The following NACC2 variants were observed in gnomAD, a reference collection of about 807,000 sequenced individuals.
NACC2 encodes the protein nucleus accumbens-associated protein 2.
In NACC2, 8 loss-of-function variants were observed where a neutral mutation model predicts 25.1. The ratio of observed to expected loss-of-function variants is 0.32; its 90% CI spans 0.19 to 0.57. The LOEUF (loss-of-function observed/expected upper bound fraction) is 0.57. Ranked by LOEUF, NACC2 falls within the 20% of genes least tolerant of loss-of-function variation. The pLI, the probability that NACC2 is intolerant of heterozygous loss-of-function variation, is 0.89. For missense variants in NACC2, 644 were observed against 650.2 expected (o/e 0.99, Z 0.10); for synonymous variants, 435 against 294.7 (o/e 1.48, Z -4.88).
At chr9:136,068,362 A>C (rs1400664515) in intron 1 of NACC2, among the ~76,000 whole-genome samples, 1 of 149,100 alleles carries the variant, frequency 6.7e-6, no homozygotes, top group Non-Finnish European at 1.5e-5. Context: ...AGTTGGGCAT[A>C]GTGGTGTGTG....
intron 2 of NACC2, among the ~76,000 whole-genome samples, chr9:136,034,481 G>C (rs1840522979): frequency 6.6e-6 from 1 of 152,146 alleles, no homozygotes; most frequent in Non-Finnish European, 1.5e-5. Flanking sequence ...TAAATTCCTA[G>C]CTCTGACTGC....
chr9:136,012,062 T>A, intron 5 of NACC2, 38 bp from the exon 6 acceptor site: 1 of 1,472,362 alleles, frequency 6.8e-7, no homozygotes, highest in Non-Finnish European at 9.0e-7. Context: ...GCCACCTGCC[T>A]GCCGGGAGGC....
At position 136,013,309 on chromosome 9, in the gene NACC2, C is replaced by A. The variant is rs746159757; in HGVS notation, c.1158-13G>T. The stretch of plus-strand genomic sequence containing the variant: ...GGCCAGCGTGTTCCTGGTGGAGGGA[C>A]CGGAAAGGCAGGCAGGGTGAGGATG... On this transcript the variant is annotated splice_polypyrimidine_tract_variant and intron_variant, in intron 4 of 5. Transcript: ENST00000277554. The surrounding 1 kb of genome is among the most constrained non-coding windows in gnomAD (Gnocchi z 6.6). 6.2e-7 allele frequency: 1 copy of A among 1,609,208 alleles called. No homozygotes were observed. The highest frequency in any genetic ancestry group is 2.2e-5 in the East Asian group (1 of 44,790).
chr9:136,071,295 A>C (rs1841148158), intron 1 of NACC2, among the ~76,000 whole-genome samples: 1 of 151,764 alleles, frequency 6.6e-6, no homozygotes, highest in African/African-American at 2.4e-5. Context: ...CTATAATCCC[A>C]GCACTTTGGG....
intron 2 of NACC2, among the ~76,000 whole-genome samples, chr9:136,034,869 C>T (rs1384058318): frequency 6.6e-6 from 1 of 152,002 alleles, no homozygotes; most frequent in Admixed American, 6.6e-5. Flanking sequence ...ACTGGCGGGC[C>T]GATCACCTGA....
chr9:136,087,304 C>T (rs1034524642), intron 1 of NACC2, among the ~76,000 whole-genome samples: 1 of 152,242 alleles, frequency 6.6e-6, no homozygotes, highest in African/African-American at 2.4e-5. Context: ...AACCTGTGGG[C>T]TCTGTCGTGG....
chr9:136,089,587 A>G (rs10115486), intron 1 of NACC2, among the ~76,000 whole-genome samples: 81,939 of 150,990 alleles, frequency 0.54, 23,822 homozygotes, highest in South Asian at 0.69. Flanking sequence ...CCCTCCTCTG[A>G]GGCTCCCCCA....
Position 136,049,892 on chromosome 9 carries a change from C to A in NACC2, c.630G>T (p.Ala210=). Residue 210 remains alanine, a synonymous_variant, in exon 2 of 6, where the codon GCG becomes GCT. Transcript: ENST00000277554. ...GCAGTTTGAGAGGGGCTGTGCCCGC[C>A]GCCACCGCAGCCCCCGCGGCCACCG... is the stretch of plus-strand genomic sequence containing the variant. The part of the protein sequence containing the change: ...GVAVAAGAAV[A]AGTAPLKLPR... 1.7e-6 allele frequency: 1 copy of A among 590,756 alleles called. No homozygotes were observed. Among genetic ancestry groups the A allele is most frequent in the Non-Finnish European group, 3.1e-6 (1 of 327,190 alleles). The allele number at this position is 590,756 out of a possible 1,614,324, so 36.6% of individuals were successfully genotyped here.
At chr9:136,037,099 T>G (rs1032658648) in intron 2 of NACC2, among the ~76,000 whole-genome samples, 3 of 152,164 alleles carry the variant, frequency 2.0e-5, no homozygotes, top group African/African-American at 7.2e-5. Context: ...AAAAGAACCG[T>G]CAACCTAGAA....
At chr9:136,060,807 C>T (rs929305354) in intron 1 of NACC2, among the ~76,000 whole-genome samples, 1 of 152,244 alleles carries the variant, frequency 6.6e-6, no homozygotes, top group Non-Finnish European at 1.5e-5. Context: ...GGCTTCAGCC[C>T]TCCCCTGCTC....
Position 136,009,997 on chromosome 9 carries a change from G to T in NACC2, c.*1519C>A. The T allele has an allele frequency of 6.6e-6, 1 of 152,362 alleles. No individual in the cohort carries two copies. 9.4% of individuals were successfully genotyped at this position (152,362 alleles called of 1,614,324 possible). A position where few individuals can be genotyped will look rare whatever the true frequency, so the allele number is the denominator to read the frequency against. ...GGGAAGGAGGGCTGCCCCTGGACAA[G>T]GACACAGGCCTCCAAAACAAAAGGG... On this transcript the variant is annotated 3_prime_UTR_variant, in exon 6 of 6. Transcript: ENST00000277554.
chr9:136,031,282 G>A (rs1373530994), intron 2 of NACC2, among the ~76,000 whole-genome samples: 5 of 152,196 alleles, frequency 3.3e-5, no homozygotes, highest in South Asian at 2.1e-4. Flanking sequence ...TGAGAACGTC[G>A]GTATCAATGT....
intron 1 of NACC2, among the ~76,000 whole-genome samples, chr9:136,081,614 C>G (rs1301761098): frequency 1.3e-5 from 2 of 152,238 alleles, no homozygotes. Flanking sequence ...GTAATTATTA[C>G]GAAAGCACAC....
intron 2 of NACC2, among the ~76,000 whole-genome samples, chr9:136,036,486 C>G (rs1198216286): frequency 6.6e-6 from 1 of 152,188 alleles, no homozygotes; most frequent in Non-Finnish European, 1.5e-5. Flanking sequence ...TACATACACA[C>G]ACACATAAAT....
At chr9:136,051,740 G>A (rs1840842724) in intron 1 of NACC2, among the ~76,000 whole-genome samples, 1 of 152,132 alleles carries the variant, frequency 6.6e-6, no homozygotes, top group Non-Finnish European at 1.5e-5. Context: ...ACCTTCAGCC[G>A]CTGCGGCCGC....
Position 136,011,568 on chromosome 9 carries a change from G to T in NACC2, c.1712C>A (p.Thr571Lys). The T allele has an allele frequency of 1.4e-6, 2 of 1,408,722 alleles. No individual in the cohort carries two copies. Among genetic ancestry groups the T allele is most frequent in the Non-Finnish European group, 1.8e-6 (2 of 1,087,276 alleles). The allele number at this position is 1,408,722 out of a possible 1,614,324, so 87.3% of individuals were successfully genotyped here. Reference sequence around the variant, plus strand: ...CGGCCTCCGGGCCGCGGCCGCCGGCGTCTGGGGCCTGCTGGGGCCGCCCCC... The same window carrying T: ...CGGCCTCCGGGCCGCGGCCGCCGGCTTCTGGGGCCTGCTGGGGCCGCCCCC... ...QGGGGPSRPQ[T>K]PAAAARRPEG... The change falls in exon 6 of 6, where the codon ACG becomes AAG. Residue 571 changes from threonine (T) to lysine (K), a missense_variant. Coordinates refer to ENST00000277554, the MANE Select transcript of NACC2 (RefSeq NM_144653.5).
chr9:136,086,034 G>T lies in NACC2; in HGVS notation c.-60+9155C>A, dbSNP rs2131189477. 6.6e-6 allele frequency among the ~76,000 whole-genome samples: 1 copy of T among 152,336 alleles called. No homozygotes were observed. The highest frequency in any genetic ancestry group is 2.1e-4 in the South Asian group (1 of 4,832). The stretch of plus-strand genomic sequence containing the variant: ...AGGGCAGCTCCGATGGGAGGGGTTG[G>T]CAGAGCCCGGAGTCCGGGCGCCACG... On this transcript the variant is annotated intron_variant, in intron 1 of 5. Coordinates refer to ENST00000277554, the MANE Select transcript of NACC2 (RefSeq NM_144653.5). This position sits in a 1 kb window ranked among gnomAD's most constrained non-coding sequence, Gnocchi z 5.6.
chr9:136,047,616 C>T (rs988925261), intron 2 of NACC2, among the ~76,000 whole-genome samples: 15 of 152,376 alleles, frequency 9.8e-5, no homozygotes, highest in African/African-American at 3.1e-4. Context: ...CCCCACCCCT[C>T]AGCCCCAATG....
intron 1 of NACC2, among the ~76,000 whole-genome samples, chr9:136,051,777 C>T (rs1840843639): frequency 2.0e-5 from 3 of 152,164 alleles, no homozygotes; most frequent in South Asian, 4.1e-4. Context: ...CTCCGCCTGG[C>T]AGGACAGGCT....
Sources: gnomAD v4.1 joint callset for allele counts (sites outside exome capture counted in the v4.1 genomes callset) on GRCh38, gnomAD v4.1.1 for gene constraint, Gnocchi (gnomAD v3.1) non-coding constraint, MANE v1.5 for transcripts, NCBI Gene and HGNC (gene_info 2026-07-23, HGNC 2026-07-21) for gene names.